The following GPC3 variants were observed in gnomAD, a reference collection of about 807,000 sequenced individuals.
GPC3 encodes glypican 3.
GPC3 carries 3 observed loss-of-function variants against 34.4 expected under a neutral mutation model. That is an observed-to-expected ratio of 0.09 (90% confidence interval 0.04 to 0.23). The LOEUF is 0.23. Among genes scored for constraint, GPC3 ranks in the 10% least tolerant of loss-of-function variants. GPC3 has a pLI of 1.00. For missense variants in GPC3, 351 were observed against 445.6 expected, an observed-to-expected ratio of 0.79 and a Z score of 1.91; for synonymous variants, 177 against 174.0, an observed-to-expected ratio of 1.02 and a Z score of -0.13.
At chrX:133,882,178 A>G (rs981252531) in intron 2 of GPC3, among the ~76,000 whole-genome samples, 3 of 111,777 alleles carry the variant, frequency 2.7e-5, no homozygotes, top group Non-Finnish European at 5.6e-5. Flanking sequence ...AGCGATAACA[A>G]TCTTGCAATC....
chrX:133,621,506 C>A (rs759575335), intron 6 of GPC3, among the ~76,000 whole-genome samples: 2 of 112,258 alleles, frequency 1.8e-5, no homozygotes, highest in Non-Finnish European at 3.8e-5. Flanking sequence ...GAGATTATAT[C>A]CCGCGCCTGG....
At chrX:133,609,013 T>C (rs767712289) in intron 6 of GPC3, among the ~76,000 whole-genome samples, 2 of 111,642 alleles carry the variant, frequency 1.8e-5, no homozygotes, top group Non-Finnish European at 3.8e-5. Flanking sequence ...AATAAAATCA[T>C]TGCAATATTC....
chrX:133,557,671 G>C (rs2069502205), intron 7 of GPC3, among the ~76,000 whole-genome samples: 1 of 111,782 alleles, frequency 8.9e-6, no homozygotes, highest in Non-Finnish European at 1.9e-5. Flanking sequence ...TGATTTAAGA[G>C]GGTGGAGAAT....
chrX:133,923,349 A>G (rs948127211), intron 2 of GPC3, among the ~76,000 whole-genome samples: 1 of 111,580 alleles, frequency 9.0e-6, no homozygotes, highest in African/African-American at 3.3e-5. Flanking sequence ...GAGATAGGAC[A>G]TGGTAGGTCT....
At chrX:133,607,456 G>A (rs1396444108) in intron 6 of GPC3, among the ~76,000 whole-genome samples, 1 of 110,845 alleles carries the variant, frequency 9.0e-6, no homozygotes, top group Non-Finnish European at 1.9e-5. Flanking sequence ...TAATAGAGAT[G>A]GGGGTCTCGC....
At chrX:133,624,617 T>C (rs1298455357) in intron 6 of GPC3, among the ~76,000 whole-genome samples, 1 of 111,432 alleles carries the variant, frequency 9.0e-6, no homozygotes, top group Non-Finnish European at 1.9e-5. Flanking sequence ...CAGGAAGAAG[T>C]TGAATCCCTG....
At chrX:133,743,855 G>T (rs1241534494) in intron 3 of GPC3, among the ~76,000 whole-genome samples, 1 of 111,461 alleles carries the variant, frequency 9.0e-6, no homozygotes, top group Non-Finnish European at 1.9e-5. Context: ...CAGAAATAAC[G>T]CCACACATCT....
intron 2 of GPC3, among the ~76,000 whole-genome samples, chrX:133,921,186 C>T (rs2076246302): frequency 8.9e-6 from 1 of 112,000 alleles, no homozygotes; most frequent in Admixed American, 9.5e-5. Context: ...CTGATTTGCA[C>T]ATGAATTAAC....
intron 6 of GPC3, among the ~76,000 whole-genome samples, chrX:133,618,609 G>A (rs1489003033): frequency 2.8e-5 from 3 of 108,049 alleles, no homozygotes; most frequent in Non-Finnish European, 5.7e-5. Flanking sequence ...GCTGAGGCAG[G>A]AGAATCACTT....
intron 1 of GPC3, among the ~76,000 whole-genome samples, chrX:133,971,919 T>C (rs2076495526): frequency 8.9e-6 from 1 of 112,000 alleles, no homozygotes; most frequent in Non-Finnish European, 1.9e-5. Flanking sequence ...TATTAGTTGG[T>C]AGTAAATTTC....
chrX:133,758,889 C>T (rs2071756971), intron 2 of GPC3, among the ~76,000 whole-genome samples: 1 of 110,791 alleles, frequency 9.0e-6, no homozygotes, highest in African/African-American at 3.3e-5. Flanking sequence ...CAGAGGATAA[C>T]TTTCTTCACT....
chrX:133,802,838 T>C (rs1365241968), intron 2 of GPC3, among the ~76,000 whole-genome samples: 2 of 108,247 alleles, frequency 1.8e-5, no homozygotes, highest in African/African-American at 3.4e-5. Flanking sequence ...TCTGTCTACA[T>C]CAGCAGAGAG....
chrX:133,668,686 C>T (rs1290008325), intron 5 of GPC3, among the ~76,000 whole-genome samples: 1 of 111,109 alleles, frequency 9.0e-6, no homozygotes, highest in African/African-American at 3.3e-5. Context: ...CTCCTGACTA[C>T]CCTATTGGCA....
intron 3 of GPC3, among the ~76,000 whole-genome samples, chrX:133,737,698 T>A (rs1025038496): frequency 1.1e-3 from 128 of 111,682 alleles, no homozygotes; most frequent in African/African-American, 3.8e-3. Context: ...TTTCTTGATT[T>A]AAGAGAAAAA....
At chrX:133,848,862 T>C (rs1273472505) in intron 2 of GPC3, among the ~76,000 whole-genome samples, 2 of 110,088 alleles carry the variant, frequency 1.8e-5, no homozygotes, top group Non-Finnish European at 3.8e-5. Context: ...AAAAGAAAGA[T>C]CATCAAAGCA....
chrX:133,583,334 C>T lies in GPC3; in HGVS notation c.1573+13106G>A, dbSNP rs1200840486. Among the ~76,000 whole-genome samples, 5 of 111,569 alleles carry T rather than the reference C, an allele frequency of 4.5e-5. No individual in the cohort carries two copies. The East Asian group carries it at 1.4e-3, about 31-fold the overall frequency. ...TATCCACTCTCTGACACCTAAGCCC[C>T]ATCCAGCCAATATTTCTTACTCTCT... On this transcript the variant is annotated intron_variant, in intron 7 of 7. Coordinates refer to ENST00000370818, the MANE Select transcript of GPC3 (RefSeq NM_004484.4).
At chrX:133,824,125 C>T (rs192869344) in intron 2 of GPC3, among the ~76,000 whole-genome samples, 2 of 107,694 alleles carry the variant, frequency 1.9e-5, no homozygotes, top group African/African-American at 6.8e-5. Context: ...GTTCAAATAA[C>T]CCAAAGGAAA....
intron 7 of GPC3, among the ~76,000 whole-genome samples, chrX:133,549,822 T>C (rs1190647321): frequency 1.1e-5 from 1 of 90,742 alleles, no homozygotes; most frequent in African/African-American, 4.1e-5. Flanking sequence ...CCTCCCTCTC[T>C]CTCCCTCCCT....
At chrX:133,709,513 A>G (rs943914207) in intron 3 of GPC3, among the ~76,000 whole-genome samples, 1 of 112,413 alleles carries the variant, frequency 8.9e-6, no homozygotes, top group African/African-American at 3.2e-5. Context: ...AAAACAATAT[A>G]TACATTGAAA....
Sources: allele counts gnomAD v4.1 joint callset (sites outside exome capture counted in the v4.1 genomes callset), GRCh38; gene constraint gnomAD v4.1.1; transcripts MANE v1.5; gene names NCBI Gene and HGNC (gene_info 2026-07-23, HGNC 2026-07-21).